PSMF1: variants seen among roughly 807,000 people sequenced by gnomAD.
PSMF1 encodes proteasome inhibitor PI31 subunit.
In PSMF1, 30 loss-of-function variants were observed where a neutral mutation model predicts 29.3. The ratio of observed to expected loss-of-function variants is 1.02; its 90% CI spans 0.77 to 1.39. The LOEUF (loss-of-function observed/expected upper bound fraction) is 1.39. Among genes scored for constraint, PSMF1 ranks in the 40% most tolerant of loss-of-function variants. PSMF1 has a pLI of 0.00. For synonymous variants in PSMF1, 134 were observed against 139.7 expected, an observed-to-expected ratio of 0.96 and a Z score of 0.29; for missense variants, 344 against 357.5, an observed-to-expected ratio of 0.96 and a Z score of 0.31.
rs914305845 is a variant in PSMF1 at position 1,169,579 on chromosome 20, T to C, written c.*4499T>C. ...GATTCAGCTGCAGTAAACAGAAATT[T>C]ACCTTTTGTAACCAAAAAGGTAATG... On this transcript the variant is annotated 3_prime_UTR_variant, in exon 7 of 7. Coordinates refer to ENST00000335877, the MANE Select transcript of PSMF1 (RefSeq NM_006814.5). Among the ~76,000 whole-genome samples the C allele has an allele frequency of 5.3e-5, 8 of 152,118 alleles. No homozygotes were observed. The highest frequency in any genetic ancestry group is 1.9e-4 in the African/African-American group (8 of 41,432).
chr20:1,125,470 T>C (rs1193608280), intron 1 of PSMF1, 28 bp from the exon 2 acceptor site: 51 of 1,571,884 alleles, frequency 3.2e-5, no homozygotes, highest in Non-Finnish European at 4.0e-5. Context: ...GTTCATGATC[T>C]TTCTCCTCTC....
chr20:1,140,713 G>A (rs1050402834), intron 4 of PSMF1, among the ~76,000 whole-genome samples: 1 of 152,166 alleles, frequency 6.6e-6, no homozygotes, highest in Non-Finnish European at 1.5e-5. Context: ...TATCTGACAA[G>A]AAGCTTGTAT....
chr20:1,116,105 C>T (rs1286013845), upstream of PSMF1, among the ~76,000 whole-genome samples: 1 of 151,902 alleles, frequency 6.6e-6, no homozygotes, highest in Non-Finnish European at 1.5e-5. Flanking sequence ...GTGTCTGGCC[C>T]ACAGTAGGCA....
At position 1,135,306 on chromosome 20, in the gene PSMF1, G is replaced by A; in HGVS notation, c.551G>A (p.Trp184Ter). The change falls in exon 4 of 7, where the codon TGG becomes TAG. Residue 184 changes from tryptophan to a stop codon, truncating the protein, a stop_gained and splice_region_variant. Transcript: ENST00000335877. LOFTEE classifies it high-confidence loss of function. Reference protein sequence around the residue: ...HHPHTSRQPPWCDPLGPFVVG... With the variant: ...HHPHTSRQPP ...CCACACACCAGTCGGCAGCCTCCCT[G>A]GTGAGTACAGAGTGCCTAGCGGGAA... The A allele has an allele frequency of 6.2e-7, 1 of 1,609,730 alleles. No individual in the cohort carries two copies. Among genetic ancestry groups the A allele is most frequent in the Non-Finnish European group, 8.5e-7 (1 of 1,177,732 alleles).
Position 1,124,282 on chromosome 20 carries a change from G to A in PSMF1, c.130-1216G>A, listed in dbSNP as rs6108619. 8.1e-3 allele frequency among the ~76,000 whole-genome samples: 1,225 copies of A among 151,952 alleles called. 14 individuals carry two copies. Among genetic ancestry groups the A allele is most frequent in the African/African-American group, 0.028 (1,161 of 41,398 alleles). ...GAACTATTTCTCAAACTTTAGTATGGAAAGTCTTAGGATTTTTAAAAAAGA... is the reference window on the plus strand; with the variant it reads ...GAACTATTTCTCAAACTTTAGTATGAAAAGTCTTAGGATTTTTAAAAAAGA... On this transcript the variant is annotated intron_variant, in intron 1 of 6. Transcript: ENST00000335877.
At position 1,135,315 on chromosome 20, in the gene PSMF1, A is replaced by G. The variant is rs781521592; in HGVS notation, c.551+9A>G. ...AGTCGGCAGCCTCCCTGGTGAGTAC[A>G]GAGTGCCTAGCGGGAAGCCCATGCT... On this transcript the variant is annotated intron_variant, in intron 4 of 6. Coordinates refer to ENST00000335877, the MANE Select transcript of PSMF1 (RefSeq NM_006814.5). 1.2e-6 allele frequency: 2 copies of G among 1,603,634 alleles called. No individual in the cohort carries two copies. The highest frequency in any genetic ancestry group is 1.7e-6 in the Non-Finnish European group (2 of 1,174,742).
chr20:1,148,422 C>G (rs993771680), intron 4 of PSMF1, among the ~76,000 whole-genome samples: 1 of 148,052 alleles, frequency 6.8e-6, no homozygotes, highest in Non-Finnish European at 1.5e-5. Context: ...GCCCCAAATC[C>G]TGCTCCATGT....
intron 4 of PSMF1, among the ~76,000 whole-genome samples, chr20:1,150,640 A>G (rs1010719610): frequency 1.3e-5 from 2 of 152,200 alleles, no homozygotes; most frequent in Non-Finnish European, 2.9e-5. Context: ...CATTGTTTAT[A>G]TAATATATTC....
chr20:1,129,638 T>A (rs2086203414), intron 3 of PSMF1, among the ~76,000 whole-genome samples: 1 of 152,240 alleles, frequency 6.6e-6, no homozygotes, highest in African/African-American at 2.4e-5. Flanking sequence ...TCAGTGATGC[T>A]GCTTCACACC....
At chr20:1,127,619 C>A in intron 3 of PSMF1, 111 bp downstream of exon 3, 2 of 861,544 alleles carry the variant, frequency 2.3e-6, no homozygotes, top group Admixed American at 2.2e-5. Flanking sequence ...ATGGAAGAAC[C>A]TTTTATTTCT....
At chr20:1,149,044 T>TA (rs1473953804) in intron 4 of PSMF1, among the ~76,000 whole-genome samples, 2 of 152,234 alleles carry the variant, frequency 1.3e-5, no homozygotes, top group African/African-American at 4.8e-5. Context: ...AGTAACATTC[T>TA]TTTACATTTT....
Position 1,163,585 on chromosome 20 carries a change from A to C in PSMF1, c.605+402A>C, listed in dbSNP as rs1422458035. On this transcript the variant is annotated intron_variant, in intron 5 of 6. Transcript: ENST00000335877. The surrounding 1 kb of genome is among the most constrained non-coding windows in gnomAD (Gnocchi z 6.1). The stretch of plus-strand genomic sequence containing the variant: ...TGGTTCTTATGCATCCAACAAAGTT[A>C]CTACAGCCTCTGCTATCCACTGTCT... Among the ~76,000 whole-genome samples, 4 of 152,262 alleles carry C rather than the reference A, an allele frequency of 2.6e-5. No individual in the cohort carries two copies. Among genetic ancestry groups the C allele is most frequent in the Non-Finnish European group, 4.4e-5 (3 of 68,038 alleles).
chr20:1,161,641 T>C, intron 4 of PSMF1: 1 of 679,352 alleles, frequency 1.5e-6, no homozygotes, highest in Non-Finnish European at 2.8e-6. Flanking sequence ...AGATGTGGAT[T>C]AGCAAGCAGG....
intron 4 of PSMF1, among the ~76,000 whole-genome samples, chr20:1,155,994 T>C (rs949009605): frequency 3.3e-5 from 5 of 152,232 alleles, no homozygotes; most frequent in Non-Finnish European, 7.3e-5. Context: ...TTAAAGTGGC[T>C]ATTATGAAAA....
chr20:1,170,472 A>T lies in PSMF1; in HGVS notation c.*5392A>T, dbSNP rs1188200211. ...GATGTGTTTCATGTTATCTTTAAAA[A>T]TGCAGCACCTTTATAGCATACATTA... On this transcript the variant is annotated 3_prime_UTR_variant, in exon 7 of 7. Transcript: ENST00000335877. 6.6e-6 allele frequency among the ~76,000 whole-genome samples: 1 copy of T among 152,214 alleles called. No individual in the cohort carries two copies. Among genetic ancestry groups the T allele is most frequent in the Non-Finnish European group, 1.5e-5 (1 of 68,042 alleles).
At chr20:1,126,924 G>T (rs1477604336) in intron 2 of PSMF1, among the ~76,000 whole-genome samples, 1 of 152,128 alleles carries the variant, frequency 6.6e-6, no homozygotes, top group African/African-American at 2.4e-5. Context: ...ATTGAAACAG[G>T]TTTAAGGCTA....
chr20:1,170,006 C>T lies in PSMF1; in HGVS notation c.*4926C>T, dbSNP rs906570943. On this transcript the variant is annotated 3_prime_UTR_variant, in exon 7 of 7. Coordinates refer to ENST00000335877, the MANE Select transcript of PSMF1 (RefSeq NM_006814.5). Reference sequence around the variant, plus strand: ...TGCTCTAAGTACACATTAGTACATGCTGGGCCCCAATCTAGATCTCAAGGG... The same window carrying T: ...TGCTCTAAGTACACATTAGTACATGTTGGGCCCCAATCTAGATCTCAAGGG... 6.6e-6 allele frequency among the ~76,000 whole-genome samples: 1 copy of T among 152,192 alleles called. No homozygotes were observed. The highest frequency in any genetic ancestry group is 1.5e-5 in the Non-Finnish European group (1 of 68,038).
Position 1,125,574 on chromosome 20 carries a change from A to G in PSMF1, c.206A>G (p.Tyr69Cys), listed in dbSNP as rs1219151304. The stretch of plus-strand genomic sequence containing the variant: ...AATAAAGACCTGTATGTCCTCCGGT[A>G]TGAGTATAAGGATGGGTCCAGAAAG... ...NNNKDLYVLR[Y>C]EYKDGSRKLL... Residue 69 changes from tyrosine (Y) to cysteine (C), a missense_variant, in exon 2 of 7, where the codon TAT becomes TGT. Transcript: ENST00000335877. 5 of 1,613,976 alleles carry G rather than the reference A, an allele frequency of 3.1e-6. No individual in the cohort carries two copies. Among genetic ancestry groups the G allele is most frequent in the Non-Finnish European group, 4.2e-6 (5 of 1,179,986 alleles).
chr20:1,148,283 G>T (rs577475842), intron 4 of PSMF1, among the ~76,000 whole-genome samples: 1 of 152,272 alleles, frequency 6.6e-6, no homozygotes, highest in South Asian at 2.1e-4. Flanking sequence ...AGAAGTCTAG[G>T]AAAGAATTAC....
Sources: gnomAD v4.1 joint callset for allele counts (sites outside exome capture counted in the v4.1 genomes callset) on GRCh38, gnomAD v4.1.1 for gene constraint, Gnocchi (gnomAD v3.1) non-coding constraint, MANE v1.5 for transcripts, NCBI Gene and HGNC (gene_info 2026-07-23, HGNC 2026-07-21) for gene names.